The following PKN2 variants were observed in gnomAD, a reference collection of about 807,000 sequenced individuals.
PKN2 encodes serine/threonine-protein kinase N2.
Under a neutral mutation model 119.1 loss-of-function variants are expected in PKN2, and 38 were observed. The ratio of observed to expected loss-of-function variants is 0.32; its 90% CI spans 0.25 to 0.42. PKN2 has a LOEUF of 0.42. Ranked by LOEUF, PKN2 falls within the 10% of genes least tolerant of loss-of-function variation. The pLI is 1.00. For missense variants in PKN2, 850 were observed against 1,165.1 expected (o/e 0.73, Z 3.94); for synonymous variants, 390 against 384.9 (o/e 1.01, Z -0.15).
Position 88,814,824 on chromosome 1 carries a change from T to C in PKN2, c.2279+1091T>C, listed in dbSNP as rs144017337. The stretch of plus-strand genomic sequence containing the variant: ...CATAAACCCAGTAGTAAATCTCTAT[T>C]GTATTTACTCTTTAGTTTTCATTCC... On this transcript the variant is annotated intron_variant, in intron 16 of 21. Coordinates refer to ENST00000370521, the MANE Select transcript of PKN2 (RefSeq NM_006256.4). Among the ~76,000 whole-genome samples, 374 of 152,326 alleles carry C rather than the reference T, an allele frequency of 2.5e-3. 1 individual carries two copies. Among genetic ancestry groups the C allele is most frequent in the African/African-American group, 8.7e-3 (362 of 41,590 alleles).
chr1:88,814,429 A>G (rs1346245775), intron 16 of PKN2, among the ~76,000 whole-genome samples: 1 of 152,152 alleles, frequency 6.6e-6, no homozygotes, highest in Non-Finnish European at 1.5e-5. Flanking sequence ...ATTTGAACCT[A>G]GGAAAGTGAT....
chr1:88,756,672 C>A (rs1174052049), intron 2 of PKN2, among the ~76,000 whole-genome samples: 1 of 152,142 alleles, frequency 6.6e-6, no homozygotes, highest in African/African-American at 2.4e-5. Flanking sequence ...ATTCTGATAT[C>A]ATTTATCCAA....
At chr1:88,757,201 G>A (rs1012892699) in intron 2 of PKN2, among the ~76,000 whole-genome samples, 1 of 152,148 alleles carries the variant, frequency 6.6e-6, no homozygotes, top group Non-Finnish European at 1.5e-5. Context: ...GATATGTAAA[G>A]TATGGATAAT....
intron 15 of PKN2, 39 bp from the exon 16 acceptor site, chr1:88,813,518 A>T (rs1165343776): frequency 7.3e-7 from 1 of 1,370,646 alleles, no homozygotes; most frequent in East Asian, 2.5e-5. Context: ...AACTAGAATT[A>T]TTTTTAATCT....
chr1:88,791,726 C>T (rs1488781382), intron 8 of PKN2, among the ~76,000 whole-genome samples: 3 of 152,148 alleles, frequency 2.0e-5, no homozygotes, highest in Admixed American at 6.5e-5. Context: ...TCCAGTTTGT[C>T]TTCCAGAGTC....
intron 8 of PKN2, among the ~76,000 whole-genome samples, chr1:88,803,819 T>C (rs1370244222): frequency 6.6e-6 from 1 of 152,208 alleles, no homozygotes; most frequent in African/African-American, 2.4e-5. Context: ...CCTTTCTTCC[T>C]TTCGTACGCA....
At chr1:88,738,856 T>G (rs1438186612) in intron 1 of PKN2, among the ~76,000 whole-genome samples, 1 of 152,240 alleles carries the variant, frequency 6.6e-6, no homozygotes, top group Admixed American at 6.5e-5. Flanking sequence ...CTAGACAATA[T>G]GAATTTGGGA....
rs74097827 is a variant in PKN2, at chr1:88,769,422, A to G, written c.505-930A>G. 7.9e-3 allele frequency among the ~76,000 whole-genome samples: 1,196 copies of G among 152,268 alleles called. 8 individuals carry two copies. The highest frequency in any genetic ancestry group is 0.027 in the African/African-American group (1,121 of 41,552). On this transcript the variant is annotated intron_variant, in intron 3 of 21. Coordinates refer to ENST00000370521, the MANE Select transcript of PKN2 (RefSeq NM_006256.4). ...ATCATGGAGGCATTTATTTCATACT[A>G]TGTTTCTGAGTCTTAGAGTTATTGA...
At position 88,834,403 on chromosome 1, in the gene PKN2, G is replaced by T. The variant is rs184959864; in HGVS notation, c.*955G>T. 9 of 152,520 alleles carry T rather than the reference G, an allele frequency of 5.9e-5. No individual in the cohort carries two copies. The Admixed American group carries it at 5.9e-4, about 10-fold the overall frequency. 9.4% of individuals were successfully genotyped at this position (152,520 alleles called of 1,614,324 possible). On this transcript the variant is annotated 3_prime_UTR_variant, in exon 22 of 22. Coordinates refer to ENST00000370521, the MANE Select transcript of PKN2 (RefSeq NM_006256.4). ...CCGTAGGGATTATCATTGTATACAT[G>T]CTGTGAACATGTATATGTGCAAGTT...
chr1:88,798,694 C>CT (rs1395437184), intron 8 of PKN2, among the ~76,000 whole-genome samples: 1 of 152,148 alleles, frequency 6.6e-6, no homozygotes, highest in African/African-American at 2.4e-5. Context: ...CTAAGAATGA[C>CT]TAACACACGG....
chr1:88,782,849 C>T (rs776635236), intron 6 of PKN2, among the ~76,000 whole-genome samples: 7 of 152,150 alleles, frequency 4.6e-5, no homozygotes, highest in Non-Finnish European at 8.8e-5. Flanking sequence ...TAGATGCAGA[C>T]ATTGTGAATT....
intron 1 of PKN2, among the ~76,000 whole-genome samples, chr1:88,713,869 A>T (rs942295997): frequency 1.3e-5 from 2 of 152,132 alleles, no homozygotes; most frequent in Non-Finnish European, 2.9e-5. Context: ...TATGTCCTGA[A>T]TGGTATTGCC....
intron 1 of PKN2, among the ~76,000 whole-genome samples, chr1:88,694,059 A>G (rs1666431038): frequency 6.6e-6 from 1 of 152,188 alleles, no homozygotes; most frequent in African/African-American, 2.4e-5. Context: ...GTCCCTACAT[A>G]TGTACATATG....
At chr1:88,746,022 A>G (rs776170488) in intron 2 of PKN2, among the ~76,000 whole-genome samples, 34 of 152,210 alleles carry the variant, frequency 2.2e-4, no homozygotes, top group Non-Finnish European at 3.5e-4. Flanking sequence ...CTGGATATCG[A>G]CATGCAGAAG....
chr1:88,799,165 C>T (rs1671209676), intron 8 of PKN2, among the ~76,000 whole-genome samples: 2 of 152,134 alleles, frequency 1.3e-5, no homozygotes. Context: ...TAGAGCATAG[C>T]AGTTTCTATC....
At chr1:88,709,346 C>A (rs899108730) in intron 1 of PKN2, among the ~76,000 whole-genome samples, 3 of 152,066 alleles carry the variant, frequency 2.0e-5, no homozygotes, top group Admixed American at 2.0e-4. Flanking sequence ...GCCACTGCAC[C>A]CGGCCCATCA....
intron 1 of PKN2, among the ~76,000 whole-genome samples, chr1:88,712,736 A>C (rs1007817631): frequency 6.6e-6 from 1 of 152,198 alleles, no homozygotes; most frequent in African/African-American, 2.4e-5. Context: ...CTATTACTTA[A>C]ATGATACATT....
At chr1:88,828,978 C>A (rs764758146) in intron 19 of PKN2, 4 of 637,608 alleles carry the variant, frequency 6.3e-6, no homozygotes, top group Non-Finnish European at 1.2e-5. Context: ...ATAGATTGGT[C>A]AGAAATAAAT....
intron 6 of PKN2, chr1:88,781,064 T>G (rs1312999020): frequency 8.8e-7 from 1 of 1,131,324 alleles, no homozygotes; most frequent in East Asian, 7.2e-5. Context: ...TTTAAGCTCC[T>G]ACTGGACCAT....
Sources: gnomAD v4.1 joint callset for allele counts (sites outside exome capture counted in the v4.1 genomes callset) on GRCh38, gnomAD v4.1.1 for gene constraint, MANE v1.5 for transcripts, NCBI Gene and HGNC (gene_info 2026-07-23, HGNC 2026-07-21) for gene names.